Variants in TOGARAM2 observed in about 807,000 individuals in gnomAD.
TOGARAM2 encodes the protein TOG array regulator of axonemal microtubules 2.
Under a neutral mutation model 93.3 loss-of-function variants are expected in TOGARAM2, and 85 were observed. That is an observed-to-expected ratio of 0.91 (90% confidence interval 0.76 to 1.09). The LOEUF is 1.09. TOGARAM2 is among the 50% of genes least tolerant of loss of function. The pLI is 0.00. For synonymous variants in TOGARAM2, 593 were observed against 552.8 expected, an observed-to-expected ratio of 1.07 and a Z score of -1.02; for missense variants, 1,277 against 1,334.5, an observed-to-expected ratio of 0.96 and a Z score of 0.67.
chr2:28,990,501 C>T lies in TOGARAM2; in HGVS notation c.-110-4224C>T, dbSNP rs182235058. ...CCGGGCCTGGATCCTCTTGCCAGAC[C>T]CCAGACTCACAGGCGCATCTCCTCC... On this transcript the variant is annotated intron_variant, in intron 1 of 19. Coordinates refer to ENST00000379558, the MANE Select transcript of TOGARAM2 (RefSeq NM_199280.4). Among the ~76,000 whole-genome samples the T allele has an allele frequency of 8.5e-5, 13 of 152,338 alleles. No individual in the cohort carries two copies. The East Asian group carries it at 2.5e-3, about 29-fold the overall frequency.
Position 29,032,969 on chromosome 2 carries a change from C to T in TOGARAM2, c.2048C>T (p.Ala683Val), listed in dbSNP as rs199784031. The change falls in exon 15 of 20, where the codon GCG (alanine) becomes GTG (valine). Residue 683 changes from alanine to valine, a missense_variant. Coordinates refer to ENST00000379558, the MANE Select transcript of TOGARAM2 (RefSeq NM_199280.4). Reference sequence around the variant, plus strand: ...CGGAAGATGGTGAATATCTTGATGGCGAACACTAAGTTTGATGCATTTCTG... The same window carrying T: ...CGGAAGATGGTGAATATCTTGATGGTGAACACTAAGTTTGATGCATTTCTG... Reference protein sequence around the residue: ...YGRKMVNILMANTKFDAFLKQ... With the variant: ...YGRKMVNILMVNTKFDAFLKQ... 9 of 1,613,736 alleles carry T rather than the reference C, an allele frequency of 5.6e-6. No homozygotes were observed. The highest frequency in any genetic ancestry group is 5.0e-5 in the Admixed American group (3 of 59,990).
chr2:29,024,041 G>A (rs974889155), intron 12 of TOGARAM2, 98 bp from the exon 13 acceptor site: 24 of 1,017,894 alleles, frequency 2.4e-5, no homozygotes, highest in African/African-American at 1.6e-4. Flanking sequence ...GGGAAGGGTG[G>A]GGGTGGAGGA....
At chr2:29,018,804 C>A (rs1277726001) in intron 10 of TOGARAM2, among the ~76,000 whole-genome samples, 1 of 152,072 alleles carries the variant, frequency 6.6e-6, no homozygotes, top group Non-Finnish European at 1.5e-5. Context: ...GTACAGGAAC[C>A]ATAGTTGCTT....
Position 29,003,448 on chromosome 2 carries a change from G to A in TOGARAM2, c.640-44G>A, listed in dbSNP as rs1465131284. ...TGCCTGGAGGTGAGCATTCACCATG[G>A]GATGTTGCCATAGGCCAGACCCCTG... On this transcript the variant is annotated intron_variant, in intron 5 of 19. Coordinates refer to ENST00000379558, the MANE Select transcript of TOGARAM2 (RefSeq NM_199280.4). 6 of 1,404,908 alleles carry A rather than the reference G, an allele frequency of 4.3e-6. No homozygotes were observed. In the East Asian group the frequency reaches 8.7e-5, roughly 20 times the overall value. The allele number at this position is 1,404,908 out of a possible 1,614,324, so 87.0% of individuals were successfully genotyped here.
chr2:29,032,935 T>A lies in TOGARAM2; in HGVS notation c.2014T>A (p.Phe672Ile). ...ATCTTGCTCTCTCTCCTGTGGCAGA[T>A]TTTATGGCCGGAAGATGGTGAATAT... ...LAQDSNQDTR[F>I]YGRKMVNILM... The change falls in exon 15 of 20, where the codon TTT becomes ATT. Residue 672 changes from phenylalanine to isoleucine, a missense_variant and splice_region_variant. Coordinates refer to ENST00000379558, the MANE Select transcript of TOGARAM2 (RefSeq NM_199280.4). 8 of 1,613,162 alleles carry A rather than the reference T, an allele frequency of 5.0e-6. No individual in the cohort carries two copies. The highest frequency in any genetic ancestry group is 6.8e-6 in the Non-Finnish European group (8 of 1,179,514).
At chr2:28,967,327 T>A (rs1486379015) in intron 1 of TOGARAM2, among the ~76,000 whole-genome samples, 1 of 151,806 alleles carries the variant, frequency 6.6e-6, no homozygotes, top group Non-Finnish European at 1.5e-5. Context: ...ATAAAAAAAA[T>A]AGCCATGCAT....
intron 1 of TOGARAM2, among the ~76,000 whole-genome samples, chr2:28,958,532 G>A (rs1671757671): frequency 6.6e-6 from 1 of 152,058 alleles, no homozygotes; most frequent in Non-Finnish European, 1.5e-5. Flanking sequence ...GAACTCCTGG[G>A]CTTAAGCAAT....
intron 17 of TOGARAM2, 81 bp downstream of exon 17, chr2:29,035,737 T>C (rs1666069567): frequency 7.9e-7 from 1 of 1,265,168 alleles, no homozygotes; most frequent in African/African-American, 1.5e-5. Context: ...CTGAATGGCG[T>C]TGGACATGTG....
At chr2:29,043,320 C>T (rs1666546139) in intron 18 of TOGARAM2, among the ~76,000 whole-genome samples, 2 of 152,182 alleles carry the variant, frequency 1.3e-5, no homozygotes, top group African/African-American at 4.8e-5. Context: ...CTCTGTATCC[C>T]TCAGGAGGAC....
At chr2:29,044,736 G>C (rs1256804190) in intron 18 of TOGARAM2, among the ~76,000 whole-genome samples, 2 of 151,994 alleles carry the variant, frequency 1.3e-5, no homozygotes, top group African/African-American at 4.8e-5. Flanking sequence ...ATATCAGTAT[G>C]TGTTCAGTGT....
intron 1 of TOGARAM2, among the ~76,000 whole-genome samples, chr2:28,974,423 T>A (rs1671997119): frequency 6.6e-6 from 1 of 152,120 alleles, no homozygotes; most frequent in South Asian, 2.1e-4. Context: ...TTTGGATTCA[T>A]CCTATGTGGG....
At chr2:29,028,218 C>G (rs1405103005) in intron 14 of TOGARAM2, among the ~76,000 whole-genome samples, 1 of 152,182 alleles carries the variant, frequency 6.6e-6, no homozygotes, top group African/African-American at 2.4e-5. Context: ...CATGTGGCAC[C>G]TGTCAGGGCT....
intron 1 of TOGARAM2, among the ~76,000 whole-genome samples, chr2:28,989,400 C>T (rs1018097907): frequency 1.6e-5 from 1 of 64,044 alleles, no homozygotes; most frequent in Non-Finnish European, 3.5e-5. Context: ...TAAGCATTAT[C>T]TCCTTTTTTT....
intron 6 of TOGARAM2, 134 bp downstream of exon 6, chr2:29,003,816 G>A (rs1673461484): frequency 2.3e-6 from 2 of 883,352 alleles, no homozygotes; most frequent in Admixed American, 4.0e-5. Context: ...AAGGGCTGGG[G>A]GCTCCACCCA....
At chr2:28,994,905 C>A (rs775948077) in intron 2 of TOGARAM2, 43 bp downstream of exon 2, 9 of 1,550,514 alleles carry the variant, frequency 5.8e-6, no homozygotes, top group Middle Eastern at 1.7e-4. Context: ...GTTTTCCAGG[C>A]TAGGGGACCT....
intron 1 of TOGARAM2, among the ~76,000 whole-genome samples, chr2:28,993,806 T>A (rs1051708072): frequency 2.6e-5 from 4 of 152,216 alleles, no homozygotes; most frequent in Non-Finnish European, 5.9e-5. Context: ...AGTGGCTGGC[T>A]GGCTTCCAGA....
At chr2:29,043,373 G>C (rs1666550431) in intron 18 of TOGARAM2, among the ~76,000 whole-genome samples, 1 of 152,186 alleles carries the variant, frequency 6.6e-6, no homozygotes, top group Admixed American at 6.5e-5. Flanking sequence ...ACTTGTGCCT[G>C]ATGAGAAAAA....
chr2:29,009,859 G>T (rs902957970), intron 6 of TOGARAM2, among the ~76,000 whole-genome samples: 6 of 152,168 alleles, frequency 3.9e-5, no homozygotes, highest in Non-Finnish European at 8.8e-5. Context: ...GTGGGGCGGG[G>T]CTGCCACGTG....
At chr2:29,015,684 C>T (rs1393898110) in intron 8 of TOGARAM2, among the ~76,000 whole-genome samples, 1 of 152,190 alleles carries the variant, frequency 6.6e-6, no homozygotes, top group Non-Finnish European at 1.5e-5. Flanking sequence ...CACGGTTAGT[C>T]CTTGTCTACC....
Sources: allele counts gnomAD v4.1 joint callset (sites outside exome capture counted in the v4.1 genomes callset), GRCh38; gene constraint gnomAD v4.1.1; transcripts MANE v1.5; gene names NCBI Gene and HGNC (gene_info 2026-07-23, HGNC 2026-07-21).